CREB3L2: variants seen among roughly 807,000 people sequenced by gnomAD.
CREB3L2 encodes cyclic AMP-responsive element-binding protein 3-like protein 2.
A neutral mutation model predicts 57.2 loss-of-function variants in CREB3L2; 23 were observed. That is an observed-to-expected ratio of 0.40 (90% CI 0.29 to 0.57). CREB3L2 has a LOEUF of 0.57. Ranked by LOEUF, CREB3L2 falls within the 20% of genes least tolerant of loss-of-function variation. The pLI is 0.42. For synonymous variants in CREB3L2, 268 were observed against 265.1 expected (o/e 1.01, Z -0.11); for missense variants, 628 against 634.7 (o/e 0.99, Z 0.11).
At chr7:137,881,020 CA>C (rs1466896042) in intron 11 of CREB3L2, among the ~76,000 whole-genome samples, 1 of 152,042 alleles carries the variant, frequency 6.6e-6, no homozygotes, top group Non-Finnish European at 1.5e-5. Flanking sequence ...AATTGTGTAA[CA>C]ACCTGGAAAA....
intron 8 of CREB3L2, among the ~76,000 whole-genome samples, chr7:137,899,419 A>T (rs546616705): frequency 6.6e-6 from 1 of 152,332 alleles, no homozygotes; most frequent in African/African-American, 2.4e-5. Flanking sequence ...CCACCCACCC[A>T]TGAACATGGG....
chr7:137,955,807 T>C (rs997740725), intron 1 of CREB3L2, among the ~76,000 whole-genome samples: 2 of 152,198 alleles, frequency 1.3e-5, no homozygotes, highest in African/African-American at 4.8e-5. Context: ...GAGTTATTTA[T>C]ATCCTACTGC....
At position 137,881,445 on chromosome 7, in the gene CREB3L2, A is replaced by G. The variant is rs145990948; in HGVS notation, c.1488-894T>C. On this transcript the variant is annotated intron_variant, in intron 11 of 11. Coordinates refer to ENST00000330387, the MANE Select transcript of CREB3L2 (RefSeq NM_194071.4). ...GCAAATATTCCAAAATCTGAAATCTATAACACTTCTGGTCCCAGGCATTTC... is the reference window on the plus strand; with the variant it reads ...GCAAATATTCCAAAATCTGAAATCTGTAACACTTCTGGTCCCAGGCATTTC... Among the ~76,000 whole-genome samples, 294 of 152,352 alleles carry G rather than the reference A, an allele frequency of 1.9e-3. 1 individual carries two copies. The highest frequency in any genetic ancestry group is 3.3e-3 in the Non-Finnish European group (225 of 68,032).
intron 10 of CREB3L2, among the ~76,000 whole-genome samples, chr7:137,882,981 C>T (rs1412595428): frequency 1.3e-5 from 2 of 152,122 alleles, no homozygotes; most frequent in African/African-American, 4.8e-5. Context: ...TGGAGATGTC[C>T]AGACCCAGCT....
rs1179011567 is a variant in CREB3L2 at position 137,922,416 on chromosome 7, G to GTATATATA, written c.319+5726_319+5733dup. 2.3e-4 allele frequency among the ~76,000 whole-genome samples: 4 copies of GTATATATA among 17,226 alleles called. 1 individual carries two copies. The highest frequency in any genetic ancestry group is 2.9e-4 in the African/African-American group (2 of 6,900). The allele number at this position is 17,226 out of a possible 152,430, so 11.3% of individuals were successfully genotyped here. A position where few individuals can be genotyped will look rare whatever the true frequency, so the allele number is the denominator to read the frequency against. ...TATATATATATATATATATATATAT[G>GTATATATA]TATATATATATATATATATACGTAT... On this transcript the variant is annotated intron_variant, in intron 2 of 11. Transcript: ENST00000330387.
At chr7:137,974,397 CA>C (rs1801568287) in intron 1 of CREB3L2, among the ~76,000 whole-genome samples, 1 of 152,104 alleles carries the variant, frequency 6.6e-6, no homozygotes, top group Non-Finnish European at 1.5e-5. Context: ...GTGTTCCAAC[CA>C]GGACCAACCG....
intron 7 of CREB3L2, 25 bp downstream of exon 7, chr7:137,903,934 C>G: frequency 1.9e-6 from 3 of 1,598,498 alleles, no homozygotes; most frequent in Non-Finnish European, 2.6e-6. Flanking sequence ...GCCCGATGAA[C>G]GCAACAGTTT....
intron 1 of CREB3L2, among the ~76,000 whole-genome samples, chr7:137,962,816 A>G (rs1421135218): frequency 6.6e-6 from 1 of 152,212 alleles, no homozygotes; most frequent in Non-Finnish European, 1.5e-5. Flanking sequence ...AGAACACAGT[A>G]CCTGGCACAA....
chr7:137,957,336 T>A (rs1234227309), intron 1 of CREB3L2, among the ~76,000 whole-genome samples: 2 of 152,216 alleles, frequency 1.3e-5, no homozygotes, highest in African/African-American at 2.4e-5. Context: ...GCATTTTTTT[T>A]AAACCTATTT....
chr7:138,001,755 C>A lies in CREB3L2; in HGVS notation c.-50G>T, dbSNP rs781600868. 7.3e-7 allele frequency: 1 copy of A among 1,361,968 alleles called. No homozygotes were observed. The highest frequency in any genetic ancestry group is 9.9e-7 in the Non-Finnish European group (1 of 1,005,150). 84.4% of individuals were successfully genotyped at this position (1,361,968 alleles called of 1,614,324 possible). On this transcript the variant is annotated 5_prime_UTR_variant, in exon 1 of 12. Transcript: ENST00000330387. This position sits in a 1 kb window ranked among gnomAD's most constrained non-coding sequence, Gnocchi z 4.2. ...AGGATGCTAAGCGCAGGAGGGGACG[C>A]GCAGAGCTGCCTCGGACCGGCAAGG...
chr7:137,881,294 G>A (rs577695903), intron 11 of CREB3L2, among the ~76,000 whole-genome samples: 6 of 152,180 alleles, frequency 3.9e-5, no homozygotes, highest in African/African-American at 9.6e-5. Flanking sequence ...GCCCTCATCC[G>A]AAAATCTAAA....
At chr7:137,947,586 T>C (rs571449512) in intron 1 of CREB3L2, among the ~76,000 whole-genome samples, 18 of 152,114 alleles carry the variant, frequency 1.2e-4, no homozygotes, top group Non-Finnish European at 2.2e-4. Context: ...GAAAAGGAAG[T>C]CAGACTAAGA....
chr7:137,966,550 A>T (rs980212386), intron 1 of CREB3L2, among the ~76,000 whole-genome samples: 2 of 152,244 alleles, frequency 1.3e-5, no homozygotes, highest in Non-Finnish European at 2.9e-5. Context: ...TAAAAGAAGA[A>T]GATTACCTCA....
At chr7:137,955,034 T>C (rs551550478) in intron 1 of CREB3L2, among the ~76,000 whole-genome samples, 95 of 152,316 alleles carry the variant, frequency 6.2e-4, no homozygotes, top group African/African-American at 2.2e-3. Flanking sequence ...ACAGAGCCAC[T>C]GGTAGAGACA....
chr7:137,991,951 C>T (rs566147581), intron 1 of CREB3L2, among the ~76,000 whole-genome samples: 6 of 151,762 alleles, frequency 4.0e-5, no homozygotes, highest in African/African-American at 1.4e-4. Context: ...AACTCTCTTC[C>T]AAGAACTACT....
intron 8 of CREB3L2, among the ~76,000 whole-genome samples, chr7:137,898,062 C>T (rs1799664319): frequency 6.6e-6 from 1 of 152,104 alleles, no homozygotes. Flanking sequence ...TCATACAACT[C>T]AATATCAAAA....
chr7:137,885,816 AG>A (rs994836886), intron 8 of CREB3L2, among the ~76,000 whole-genome samples: 2 of 152,198 alleles, frequency 1.3e-5, no homozygotes, highest in African/African-American at 4.8e-5. Flanking sequence ...ACAAAGGAAA[AG>A]GAACACTCTG....
intron 4 of CREB3L2, among the ~76,000 whole-genome samples, chr7:137,910,638 A>G (rs1223688367): frequency 6.6e-6 from 1 of 152,138 alleles, no homozygotes; most frequent in East Asian, 1.9e-4. Context: ...ATTCCCAAGA[A>G]CTAGCCAGGA....
rs1357987069 is a variant in CREB3L2 at position 137,922,437 on chromosome 7, CGTAT to C, written c.319+5709_319+5712del. ...ATATGTATATATATATATATATATA[CGTAT>C]ATATATATATATACACACATATATA... is the stretch of plus-strand genomic sequence containing the variant. On this transcript the variant is annotated intron_variant, in intron 2 of 11. Coordinates refer to ENST00000330387, the MANE Select transcript of CREB3L2 (RefSeq NM_194071.4). 4.7e-4 allele frequency among the ~76,000 whole-genome samples: 46 copies of C among 98,894 alleles called. 1 individual carries two copies. The South Asian group carries it at 4.7e-3, about 10-fold the overall frequency. 64.9% of individuals were successfully genotyped at this position (98,894 alleles called of 152,430 possible).
Sources: gnomAD v4.1 joint callset for allele counts (sites outside exome capture counted in the v4.1 genomes callset) on GRCh38, gnomAD v4.1.1 for gene constraint, Gnocchi (gnomAD v3.1) non-coding constraint, MANE v1.5 for transcripts, NCBI Gene and HGNC (gene_info 2026-07-23, HGNC 2026-07-21) for gene names.